The following PTPN13 variants were observed in gnomAD, a reference collection of about 807,000 sequenced individuals.
PTPN13 encodes tyrosine-protein phosphatase non-receptor type 13.
PTPN13 carries 191 observed loss-of-function variants against 284.0 expected under a neutral mutation model. That is an observed-to-expected ratio of 0.67 (90% CI 0.60 to 0.76). The LOEUF is 0.76. PTPN13 is among the 30% of genes least tolerant of loss of function. The pLI is 0.00. For synonymous variants in PTPN13, 986 were observed against 1,022.3 expected (o/e 0.96, Z 0.68); for missense variants, 2,797 against 2,939.9 (o/e 0.95, Z 1.12).
chr4:86,778,865 C>T (rs998547750), intron 35 of PTPN13, among the ~76,000 whole-genome samples: 4 of 151,404 alleles, frequency 2.6e-5, no homozygotes, highest in African/African-American at 9.7e-5. Context: ...CTTGTGTTTC[C>T]CTTAGAGATT....
intron 6 of PTPN13, among the ~76,000 whole-genome samples, chr4:86,697,381 T>C (rs1323152360): frequency 6.6e-6 from 1 of 152,070 alleles, no homozygotes; most frequent in Non-Finnish European, 1.5e-5. Context: ...GATAATGCCT[T>C]ATACCTAGTG....
intron 3 of PTPN13, among the ~76,000 whole-genome samples, chr4:86,676,621 T>C (rs1728300470): frequency 6.6e-6 from 1 of 152,302 alleles, no homozygotes; most frequent in Admixed American, 6.5e-5. Context: ...CAAATGTTCA[T>C]TGGCAGATGA....
intron 40 of PTPN13, among the ~76,000 whole-genome samples, chr4:86,790,617 A>G (rs533436102): frequency 6.6e-6 from 1 of 152,310 alleles, no homozygotes; most frequent in South Asian, 2.1e-4. Context: ...TCAGGAGGAG[A>G]AGACACAATG....
chr4:86,640,885 G>C (rs1270647165), intron 2 of PTPN13, among the ~76,000 whole-genome samples: 2 of 152,180 alleles, frequency 1.3e-5, no homozygotes, highest in African/African-American at 4.8e-5. Flanking sequence ...TCCAGTAGGA[G>C]CTGGTTAGCA....
intron 1 of PTPN13, among the ~76,000 whole-genome samples, chr4:86,612,435 G>A (rs1187203744): frequency 6.6e-6 from 1 of 152,180 alleles, no homozygotes; most frequent in Non-Finnish European, 1.5e-5. Flanking sequence ...TGAGCTGTGG[G>A]AACTTTAAGT....
intron 2 of PTPN13, among the ~76,000 whole-genome samples, chr4:86,652,602 G>A (rs1680844820): frequency 6.6e-6 from 1 of 152,072 alleles, no homozygotes; most frequent in African/African-American, 2.4e-5. Context: ...TGGCCTATGA[G>A]GTGTCCAGTA....
At chr4:86,637,071 A>T (rs1024724595) in intron 2 of PTPN13, among the ~76,000 whole-genome samples, 198 of 152,322 alleles carry the variant, frequency 1.3e-3, no homozygotes, top group Admixed American at 4.5e-3. Context: ...ATAAACTAGA[A>T]AATCCAGAAG....
chr4:86,618,606 G>C (rs1720863465), intron 1 of PTPN13, among the ~76,000 whole-genome samples: 1 of 152,068 alleles, frequency 6.6e-6, no homozygotes, highest in African/African-American at 2.4e-5. Context: ...ATTTCATTGG[G>C]CAGTGGTTTG....
At chr4:86,745,245 A>G (rs934839078) in intron 17 of PTPN13, 117 bp downstream of exon 17, 21 of 956,120 alleles carry the variant, frequency 2.2e-5, no homozygotes, top group Non-Finnish European at 2.9e-5. Flanking sequence ...TACATGTTAA[A>G]TAGCTAAATC....
intron 9 of PTPN13, among the ~76,000 whole-genome samples, chr4:86,719,087 C>G (rs1259564669): frequency 2.0e-5 from 3 of 152,048 alleles, no homozygotes; most frequent in Non-Finnish European, 4.4e-5. Flanking sequence ...GGTATTAAGC[C>G]CAGTACACAA....
At chr4:86,686,257 G>C (rs991271335) in intron 3 of PTPN13, among the ~76,000 whole-genome samples, 1 of 152,084 alleles carries the variant, frequency 6.6e-6, no homozygotes, top group Non-Finnish European at 1.5e-5. Context: ...AGCTACTGGG[G>C]AGGCTGAGCC....
rs767632647 is a variant in PTPN13 at position 86,716,561 on chromosome 4, T to G, written c.1227T>G (p.Gly409=). 1.7e-5 allele frequency: 27 copies of G among 1,597,854 alleles called. No homozygotes were observed. Among genetic ancestry groups the G allele is most frequent in the African/African-American group, 4.0e-5 (3 of 74,644 alleles). The change falls in exon 8 of 48, where the codon GGT becomes GGG. Residue 409 remains glycine (G), a synonymous_variant. Transcript: ENST00000411767. ...EPVRRYKTYH[G]DVFSTSSESP... is the part of the protein sequence containing the mutation. ...TTCGAAGATACAAAACTTATCATGG[T>G]GATGTCTTTAGTACCTCCAGTGAAA...
chr4:86,731,788 A>T (rs888189921), intron 10 of PTPN13, among the ~76,000 whole-genome samples: 1 of 152,138 alleles, frequency 6.6e-6, no homozygotes, highest in Non-Finnish European at 1.5e-5. Context: ...AACTACAGGT[A>T]TGCACCACAG....
At chr4:86,744,827 A>G (rs1416061188) in intron 16 of PTPN13, 139 bp from the exon 17 acceptor site, 6 of 702,802 alleles carry the variant, frequency 8.5e-6, no homozygotes, top group Non-Finnish European at 1.4e-5. Context: ...TTCTTGGAAC[A>G]TGTCTTTATT....
intron 1 of PTPN13, among the ~76,000 whole-genome samples, chr4:86,602,689 T>C (rs1224067199): frequency 6.6e-6 from 1 of 151,520 alleles, no homozygotes; most frequent in Non-Finnish European, 1.5e-5. Context: ...ATAATTATTT[T>C]TCTGATTTTT....
At chr4:86,759,100 A>T (rs745756318) in intron 23 of PTPN13, 27 bp downstream of exon 23, 1 of 1,601,050 alleles carries the variant, frequency 6.2e-7, no homozygotes, top group Non-Finnish European at 8.5e-7. Context: ...TTACTTATGT[A>T]TTCTGTTTCA....
chr4:86,707,613 TA>T (rs536232395), intron 7 of PTPN13, among the ~76,000 whole-genome samples: 1 of 152,194 alleles, frequency 6.6e-6, no homozygotes, highest in Non-Finnish European at 1.5e-5. Context: ...GTACTTTTAG[TA>T]TCTTAATAAT....
Position 86,635,295 on chromosome 4 carries a change from T to C in PTPN13, c.39T>C (p.Gly13=), listed in dbSNP as rs749772970. ...TAGCTGAGGCCCTGGAGGTTCGGGG[T>C]GGACCACTTCAGGAGGAAGAAATAT... The part of the protein sequence containing the change: ...VSLAEALEVR[G]GPLQEEEIWA... Residue 13 remains glycine (G), a synonymous_variant, in exon 2 of 48, where the codon GGT becomes GGC. Coordinates refer to ENST00000411767, the MANE Select transcript of PTPN13 (RefSeq NM_080683.3). 1.2e-6 allele frequency: 2 copies of C among 1,607,080 alleles called. No individual in the cohort carries two copies. The highest frequency in any genetic ancestry group is 2.2e-5 in the South Asian group (2 of 89,034).
At chr4:86,711,348 C>A (rs1040568200) in intron 7 of PTPN13, among the ~76,000 whole-genome samples, 4 of 151,732 alleles carry the variant, frequency 2.6e-5, no homozygotes, top group Admixed American at 1.3e-4. Flanking sequence ...TTCATTAGTC[C>A]TTATTGTTTT....
Sources: gnomAD v4.1 joint callset for allele counts (sites outside exome capture counted in the v4.1 genomes callset) on GRCh38, gnomAD v4.1.1 for gene constraint, MANE v1.5 for transcripts, NCBI Gene and HGNC (gene_info 2026-07-23, HGNC 2026-07-21) for gene names.